The following NPHP4 variants were observed in gnomAD, a reference collection of about 807,000 sequenced individuals.
The protein encoded by NPHP4 is nephrocystin 4.
A neutral mutation model predicts 155.8 loss-of-function variants in NPHP4; 151 were observed. The ratio of observed to expected loss-of-function variants is 0.97; its 90% CI spans 0.85 to 1.11. The LOEUF (loss-of-function observed/expected upper bound fraction) is 1.11, where lower values mean the gene tolerates loss of function less well. NPHP4 is among the 50% of genes least tolerant of loss of function. The pLI, the probability that NPHP4 is intolerant of heterozygous loss-of-function variation, is 0.00. For synonymous variants in NPHP4, 845 were observed against 816.8 expected (o/e 1.03, Z -0.59); for missense variants, 1,956 against 1,925.7 (o/e 1.02, Z -0.29).
At chr1:5,984,164 G>A (rs1202327543) in intron 2 of NPHP4, among the ~76,000 whole-genome samples, 1 of 152,168 alleles carries the variant, frequency 6.6e-6, no homozygotes, top group Non-Finnish European at 1.5e-5. Flanking sequence ...ACACCTTGCG[G>A]TCTTAAGAAC....
chr1:5,895,156 G>C (rs981304566), intron 16 of NPHP4, among the ~76,000 whole-genome samples: 1 of 151,894 alleles, frequency 6.6e-6, no homozygotes, highest in African/African-American at 2.4e-5. Context: ...CACAGGAAGG[G>C]GAACATCACA....
intron 11 of NPHP4, among the ~76,000 whole-genome samples, chr1:5,911,445 C>T (rs574382528): frequency 6.6e-6 from 1 of 152,230 alleles, no homozygotes; most frequent in Non-Finnish European, 1.5e-5. Context: ...CGGGGGCCAG[C>T]CCTCCGTGCC....
Position 5,948,269 on chromosome 1 carries a change from G to A in NPHP4, c.811-18C>T. 6 of 1,534,374 alleles carry A rather than the reference G, an allele frequency of 3.9e-6. No individual in the cohort carries two copies. Among genetic ancestry groups the A allele is most frequent in the African/African-American group, 1.4e-5 (1 of 73,096 alleles). On this transcript the variant is annotated intron_variant, in intron 7 of 29. Coordinates refer to ENST00000378156, the MANE Select transcript of NPHP4 (RefSeq NM_015102.5). ...CCACATCCCTGGAAGAGGCACAGAAGGAATGAGCCCCGGCACAGACGGAAA... is the reference window on the plus strand; with the variant it reads ...CCACATCCCTGGAAGAGGCACAGAAAGAATGAGCCCCGGCACAGACGGAAA...
At chr1:5,947,921 G>T in intron 8 of NPHP4, 149 bp downstream of exon 8, 2 of 649,682 alleles carry the variant, frequency 3.1e-6, no homozygotes, top group Non-Finnish European at 5.4e-6. Context: ...TCCAAAGTTT[G>T]TTCCTAATGG....
Position 5,909,275 on chromosome 1 carries a change from C to A in NPHP4, c.1442-62G>T, listed in dbSNP as rs1645063684. On this transcript the variant is annotated intron_variant, in intron 11 of 29. Coordinates refer to ENST00000378156, the MANE Select transcript of NPHP4 (RefSeq NM_015102.5). ...GTCAGCCTGTGTTGGGGGCAGTGGG[C>A]CCCTGAACCCCCACGCAGTCAGGTC... 3.5e-5 allele frequency: 46 copies of A among 1,310,844 alleles called. 1 individual carries two copies. In the South Asian group the frequency reaches 5.4e-4, roughly 15 times the overall value. The allele number at this position is 1,310,844 out of a possible 1,614,324, so 81.2% of individuals were successfully genotyped here. A position where few individuals can be genotyped will look rare whatever the true frequency, so the allele number is the denominator to read the frequency against.
At position 5,877,153 on chromosome 1, in the gene NPHP4, C is replaced by T. The variant is rs187711393; in HGVS notation, c.2757G>A (p.Met919Ile). Residue 919 changes from methionine (M) to isoleucine (I), a missense_variant, in exon 20 of 30, where the codon ATG (methionine) becomes ATA (isoleucine). Transcript: ENST00000378156. ...CGGCCTCCTGCAGGCGCACAGACCTCATCCGCTCCAGCTTACGCCTGCGGG... is the reference window on the plus strand; with the variant it reads ...CGGCCTCCTGCAGGCGCACAGACCTTATCCGCTCCAGCTTACGCCTGCGGG... ...DATRRRKLER[M>I]RSVRLQEAGG... The T allele has an allele frequency of 2.5e-6, 4 of 1,604,532 alleles. No individual in the cohort carries two copies. Among genetic ancestry groups the T allele is most frequent in the Admixed American group, 3.4e-5 (2 of 59,622 alleles).
intron 23 of NPHP4, among the ~76,000 whole-genome samples, chr1:5,868,781 A>T (rs530406049): frequency 7.7e-6 from 1 of 129,564 alleles, no homozygotes. Context: ...ACATGCACAC[A>T]CGCACACAAT....
intron 11 of NPHP4, among the ~76,000 whole-genome samples, chr1:5,922,628 C>T (rs1244001928): frequency 6.6e-6 from 1 of 152,162 alleles, no homozygotes; most frequent in African/African-American, 2.4e-5. Context: ...CAAGAGCAGC[C>T]TGTACAACAC....
At chr1:5,868,045 G>T in intron 23 of NPHP4, 149 bp from the exon 24 acceptor site, 1 of 855,502 alleles carries the variant, frequency 1.2e-6, no homozygotes, top group Non-Finnish European at 2.0e-6. Flanking sequence ...CATCGTCAAA[G>T]GCAGGGACTG....
Position 5,865,133 on chromosome 1 carries a change from C to G in NPHP4, c.3785G>C (p.Arg1262Thr), listed in dbSNP as rs1379514213. The G allele has an allele frequency of 6.2e-7, 1 of 1,613,598 alleles. No homozygotes were observed. The highest frequency in any genetic ancestry group is 1.3e-5 in the African/African-American group (1 of 74,942). ...CTCCTGGGGATGAGAGGTGAAAGCT[C>G]TCACTTTCCTCACTGTCTGTGTCCC... ...LRGTQTVRKV[R>T]AFTSHPQELK... The change falls in exon 27 of 30, where the codon AGA (arginine) becomes ACA (threonine). Residue 1262 changes from arginine (R) to threonine (T), a missense_variant. Transcript: ENST00000378156.
chr1:5,863,271 G>A lies in NPHP4; in HGVS notation c.4275C>T (p.Tyr1425=), dbSNP rs1415655089. 1.9e-6 allele frequency: 3 copies of A among 1,614,044 alleles called. No homozygotes were observed. The South Asian group carries it at 3.3e-5, about 18-fold the overall frequency. ...NEEAFCVKVI[Y]Q is the part of the protein sequence containing the mutation. Reference sequence around the variant, plus strand: ...GGACGTCACCCTCAAGCCCTCACTGGTAGATGACCTTCACGCAAAATGCCT... The same window carrying A: ...GGACGTCACCCTCAAGCCCTCACTGATAGATGACCTTCACGCAAAATGCCT... Residue 1425 remains tyrosine (Y), a synonymous_variant, in exon 30 of 30, where the codon TAC becomes TAT. Transcript: ENST00000378156.
intron 4 of NPHP4, among the ~76,000 whole-genome samples, chr1:5,968,605 A>T (rs1432469865): frequency 1.4e-5 from 2 of 146,090 alleles, no homozygotes; most frequent in Non-Finnish European, 3.0e-5. Flanking sequence ...TGTCTCGAAG[A>T]AAAAAAAAAA....
chr1:5,908,152 G>C (rs1645005349), intron 12 of NPHP4, among the ~76,000 whole-genome samples: 2 of 152,220 alleles, frequency 1.3e-5, no homozygotes, highest in Admixed American at 1.3e-4. Flanking sequence ...GACCCTGGCA[G>C]CATCTTCAGG....
In NPHP4 at chr1:5,893,088, C is replaced by G. The variant is rs182484595; in HGVS notation, c.2144-2060G>C. ...GGTGCAGGGATCGACCTTAACGCAGCACCCCAGTGACAGAAAAAACAACTT... is the reference window on the plus strand; with the variant it reads ...GGTGCAGGGATCGACCTTAACGCAGGACCCCAGTGACAGAAAAAACAACTT... On this transcript the variant is annotated intron_variant, in intron 16 of 29. Transcript: ENST00000378156. Among the ~76,000 whole-genome samples the G allele has an allele frequency of 3.7e-3, 568 of 152,296 alleles. 1 individual carries two copies. The highest frequency in any genetic ancestry group is 0.013 in the African/African-American group (524 of 41,558).
chr1:5,905,907 T>A lies in NPHP4; in HGVS notation c.1612-124A>T. On this transcript the variant is annotated intron_variant, in intron 13 of 29. Transcript: ENST00000378156. This position sits in a 1 kb window ranked among gnomAD's most constrained non-coding sequence, Gnocchi z 4.0. ...CTGGAGGGTTGCCAGCTCTAGCAAA[T>A]ACAAAAGGTTCAATTACACTTGAAT... The A allele has an allele frequency of 1.2e-6, 1 of 814,256 alleles. No homozygotes were observed. The highest frequency in any genetic ancestry group is 1.9e-6 in the Non-Finnish European group (1 of 519,986). 50.4% of individuals were successfully genotyped at this position (814,256 alleles called of 1,614,324 possible).
intron 5 of NPHP4, among the ~76,000 whole-genome samples, chr1:5,963,263 T>C (rs539230220): frequency 6.6e-6 from 1 of 152,088 alleles, no homozygotes; most frequent in African/African-American, 2.4e-5. Context: ...GGCGTGGTGG[T>C]GCATGCCTGT....
chr1:5,975,613 G>A (rs11586319), intron 3 of NPHP4, among the ~76,000 whole-genome samples: 18,094 of 152,248 alleles, frequency 0.12, 1,403 homozygotes, highest in Non-Finnish European at 0.17. Flanking sequence ...GCTGAGCCAC[G>A]TGGCTCCCAC....
chr1:5,930,979 A>G (rs1253076680), intron 10 of NPHP4, among the ~76,000 whole-genome samples: 1 of 152,158 alleles, frequency 6.6e-6, no homozygotes, highest in Non-Finnish European at 1.5e-5. Context: ...TAGGATTGTT[A>G]TGTCTTGGCA....
chr1:5,981,410 T>C (rs577502083), intron 2 of NPHP4, among the ~76,000 whole-genome samples: 1 of 152,226 alleles, frequency 6.6e-6, no homozygotes, highest in African/African-American at 2.4e-5. Context: ...GCCCAATACA[T>C]ATCAAGCTGA....
Sources: allele counts gnomAD v4.1 joint callset (sites outside exome capture counted in the v4.1 genomes callset), GRCh38; gene constraint gnomAD v4.1.1; non-coding constraint Gnocchi (gnomAD v3.1); transcripts MANE v1.5; gene names NCBI Gene and HGNC (gene_info 2026-07-23, HGNC 2026-07-21).